The following EGFLAM variants were observed in gnomAD, a reference collection of about 807,000 sequenced individuals.
EGFLAM encodes EGF like, fibronectin type III and laminin G domains.
A neutral mutation model predicts 113.1 loss-of-function variants in EGFLAM; 79 were observed. The ratio of observed to expected loss-of-function variants is 0.70; its 90% CI spans 0.58 to 0.84. The LOEUF (loss-of-function observed/expected upper bound fraction) is 0.84. Ranked by LOEUF, EGFLAM falls within the 40% of genes least tolerant of loss-of-function variation. The pLI is 0.00. For missense variants in EGFLAM, 1,265 were observed against 1,291.6 expected (o/e 0.98, Z 0.32); for synonymous variants, 504 against 487.6 (o/e 1.03, Z -0.44).
intron 1 of EGFLAM, among the ~76,000 whole-genome samples, chr5:38,331,971 G>A (rs1739054581): frequency 6.6e-6 from 1 of 152,260 alleles, no homozygotes; most frequent in African/African-American, 2.4e-5. Context: ...GTGGTATGAT[G>A]AGCATGTTTG....
chr5:38,433,634 AT>A (rs1039582756), intron 15 of EGFLAM, among the ~76,000 whole-genome samples: 12 of 152,066 alleles, frequency 7.9e-5, no homozygotes, highest in Admixed American at 3.3e-4. Context: ...CCATAATGCA[AT>A]TTTTTTTCCT....
At chr5:38,262,992 GT>G (rs140611892) in intron 1 of EGFLAM, among the ~76,000 whole-genome samples, 2 of 151,406 alleles carry the variant, frequency 1.3e-5, no homozygotes, top group African/African-American at 2.4e-5. Flanking sequence ...ACTTGGTAGA[GT>G]TTTTTTTTGG....
chr5:38,451,523 CAG>C (rs1341579562), intron 19 of EGFLAM, 65 bp downstream of exon 19: 27 of 1,564,124 alleles, frequency 1.7e-5, no homozygotes, highest in Non-Finnish European at 2.3e-5. Flanking sequence ...CAGATCATGC[CAG>C]AGTGATTCAG....
intron 5 of EGFLAM, among the ~76,000 whole-genome samples, chr5:38,363,015 T>G (rs190023709): frequency 6.6e-6 from 1 of 152,312 alleles, no homozygotes; most frequent in East Asian, 1.9e-4. Context: ...GGTGAGTTTA[T>G]CATAACACCA....
chr5:38,286,811 T>C (rs139842447), intron 1 of EGFLAM, among the ~76,000 whole-genome samples: 182 of 152,352 alleles, frequency 1.2e-3, no homozygotes, highest in African/African-American at 4.2e-3. Flanking sequence ...ACATCACTCC[T>C]GAATAGCGAC....
chr5:38,454,065 G>T lies in EGFLAM; in HGVS notation c.2687+2607G>T, dbSNP rs547346420. ...TAAGACACACTGCTGAACCCAGGCC[G>T]AGGTCGACTTCTGTGCCTGCTCTGG... On this transcript the variant is annotated intron_variant, in intron 19 of 21. Coordinates refer to ENST00000322350, the MANE Select transcript of EGFLAM (RefSeq NM_152403.4). 2.6e-5 allele frequency among the ~76,000 whole-genome samples: 4 copies of T among 152,154 alleles called. No individual in the cohort carries two copies. In the East Asian group the frequency reaches 7.7e-4, roughly 29 times the overall value.
intron 7 of EGFLAM, among the ~76,000 whole-genome samples, chr5:38,406,569 T>C (rs1024854260): frequency 6.6e-6 from 1 of 152,196 alleles, no homozygotes; most frequent in African/African-American, 2.4e-5. Context: ...TCATGCATCT[T>C]CATCATATTG....
At chr5:38,423,424 T>A (rs1193381307) in intron 12 of EGFLAM, among the ~76,000 whole-genome samples, 1 of 152,190 alleles carries the variant, frequency 6.6e-6, no homozygotes, top group Admixed American at 6.5e-5. Flanking sequence ...CTGGCTTTCA[T>A]GACCTCCCCT....
At position 38,304,060 on chromosome 5, in the gene EGFLAM, C is replaced by T. The variant is rs186940468; in HGVS notation, c.98-33460C>T. Reference sequence around the variant, plus strand: ...AGGAGAATCGCTTGAACCTGGGAGGCGAAGGTTGTAGTGAGCCAAGGTCAC... The same window carrying T: ...AGGAGAATCGCTTGAACCTGGGAGGTGAAGGTTGTAGTGAGCCAAGGTCAC... On this transcript the variant is annotated intron_variant, in intron 1 of 21. Transcript: ENST00000322350. Among the ~76,000 whole-genome samples, 4 of 150,940 alleles carry T rather than the reference C, an allele frequency of 2.7e-5. No individual in the cohort carries two copies. The East Asian group carries it at 5.8e-4, about 22-fold the overall frequency.
intron 12 of EGFLAM, among the ~76,000 whole-genome samples, chr5:38,419,357 C>T (rs1741756247): frequency 6.6e-6 from 1 of 152,190 alleles, no homozygotes; most frequent in African/African-American, 2.4e-5. Context: ...TCACTCACTA[C>T]TCTAAGCGTC....
intron 16 of EGFLAM, 63 bp downstream of exon 16, chr5:38,435,316 T>G: frequency 8.1e-7 from 1 of 1,230,430 alleles, no homozygotes; most frequent in Non-Finnish European, 1.2e-6. Context: ...AAAGTGAGGA[T>G]TATGATCAGT....
At chr5:38,445,444 G>A (rs932634377) in intron 17 of EGFLAM, 11 of 1,382,592 alleles carry the variant, frequency 8.0e-6, no homozygotes, top group African/African-American at 2.9e-5. Flanking sequence ...TCAATAAGCC[G>A]AGAAGAGGTG....
At chr5:38,407,992 G>C in intron 9 of EGFLAM, 87 bp downstream of exon 9, 2 of 1,026,040 alleles carry the variant, frequency 1.9e-6, no homozygotes, top group South Asian at 1.4e-5. Context: ...GAGAGGAAGC[G>C]GGGCAGCAGG....
At chr5:38,443,739 C>T (rs536957581) in intron 17 of EGFLAM, among the ~76,000 whole-genome samples, 15 of 149,780 alleles carry the variant, frequency 1.0e-4, no homozygotes, top group African/African-American at 3.4e-4. Context: ...GTCCCGTGAA[C>T]GTGGGAAAGA....
intron 13 of EGFLAM, 148 bp downstream of exon 13, chr5:38,425,240 G>T (rs961926775): frequency 5.7e-6 from 7 of 1,219,928 alleles, no homozygotes; most frequent in South Asian, 1.6e-5. Flanking sequence ...GTGCAGTGGC[G>T]CATCTCGGCT....
chr5:38,316,731 C>T (rs897172903), intron 1 of EGFLAM, among the ~76,000 whole-genome samples: 2 of 152,144 alleles, frequency 1.3e-5, no homozygotes, highest in African/African-American at 4.8e-5. Context: ...CCCTGAACAC[C>T]CCTGGGACAC....
At chr5:38,382,684 T>G (rs886145814) in intron 6 of EGFLAM, among the ~76,000 whole-genome samples, 1 of 152,198 alleles carries the variant, frequency 6.6e-6, no homozygotes, top group African/African-American at 2.4e-5. Flanking sequence ...ATATACCTTT[T>G]GAGATAAAAA....
At chr5:38,368,579 T>A in intron 5 of EGFLAM, among the ~76,000 whole-genome samples, 1 of 152,194 alleles carries the variant, frequency 6.6e-6, no homozygotes, top group East Asian at 1.9e-4. Flanking sequence ...GCCTGGTAAG[T>A]TGCTCCTCAA....
chr5:38,387,364 A>G (rs1035743236), intron 6 of EGFLAM, among the ~76,000 whole-genome samples: 4 of 152,218 alleles, frequency 2.6e-5, no homozygotes, highest in African/African-American at 9.6e-5. Context: ...TCCTGGCTTC[A>G]TAGCATGAGC....
Sources: allele counts gnomAD v4.1 joint callset (sites outside exome capture counted in the v4.1 genomes callset), GRCh38; gene constraint gnomAD v4.1.1; transcripts MANE v1.5; gene names NCBI Gene and HGNC (gene_info 2026-07-23, HGNC 2026-07-21).